Variants in NDUFAF6 observed in about 807,000 individuals in gnomAD.
NDUFAF6 encodes NADH dehydrogenase (ubiquinone) complex I, assembly factor 6.
A neutral mutation model predicts 40.8 loss-of-function variants in NDUFAF6; 45 were observed. The ratio of observed to expected loss-of-function variants is 1.10; its 90% confidence interval spans 0.87 to 1.42. The LOEUF (loss-of-function observed/expected upper bound fraction) is 1.42. Ranked by LOEUF, NDUFAF6 falls within the 40% of genes most tolerant of loss-of-function variation. The pLI is 0.00. For missense variants in NDUFAF6, 435 were observed against 418.5 expected, an observed-to-expected ratio of 1.04 and a Z score of -0.34; for synonymous variants, 185 against 155.9, an observed-to-expected ratio of 1.19 and a Z score of -1.39.
upstream of NDUFAF6, among the ~76,000 whole-genome samples, chr8:95,097,379 A>G (rs545599396): frequency 1.1e-3 from 169 of 152,360 alleles, no homozygotes; most frequent in African/African-American, 3.9e-3. Flanking sequence ...TAAATGTTCG[A>G]CAATAGATGT....
intron 9 of NDUFAF6, among the ~76,000 whole-genome samples, chr8:95,065,699 T>C: frequency 7.6e-6 from 1 of 132,174 alleles, no homozygotes; most frequent in South Asian, 2.1e-4. Context: ...TAAGCCACCA[T>C]CCCATGGAAT....
chr8:94,930,495 C>G, intron 1 of NDUFAF6: 1 of 1,614,198 alleles, frequency 6.2e-7, no homozygotes. Flanking sequence ...ATTGTACTGA[C>G]GCGGGCAGGG....
At chr8:95,014,610 T>C (rs1222092181) in intron 2 of NDUFAF6, among the ~76,000 whole-genome samples, 1 of 152,246 alleles carries the variant, frequency 6.6e-6, no homozygotes, top group Non-Finnish European at 1.5e-5. Context: ...TCCTGGTTTA[T>C]GGTTTTGTTT....
chr8:95,047,508 CTTTTTTTTT>C (rs373655223), intron 6 of NDUFAF6, among the ~76,000 whole-genome samples: 1 of 126,422 alleles, frequency 7.9e-6, no homozygotes, highest in Admixed American at 8.2e-5. Context: ...CTTTTCTTTT[CTTTTTTTTT>C]TTTTTTTTTT....
At chr8:95,077,271 A>T (rs944868578), downstream of NDUFAF6, among the ~76,000 whole-genome samples, 1 of 152,182 alleles carries the variant, frequency 6.6e-6, no homozygotes, top group Admixed American at 6.5e-5. Context: ...CTGGAGAGGG[A>T]GACAAATAAG....
intron 2 of NDUFAF6, among the ~76,000 whole-genome samples, chr8:95,011,409 G>T (rs1264404977): frequency 6.6e-6 from 1 of 152,162 alleles, no homozygotes; most frequent in Non-Finnish European, 1.5e-5. Context: ...ATTTTCCCTG[G>T]ATATGAACAT....
chr8:95,048,691 A>G, intron 7 of NDUFAF6, 133 bp downstream of exon 7: 1 of 738,566 alleles, frequency 1.4e-6, no homozygotes, highest in Non-Finnish European at 2.4e-6. Flanking sequence ...CAGTAGATTT[A>G]TCTCGGAGTC....
chr8:95,079,931 T>TGGGGTTTCATCATG (rs1808766453), downstream of NDUFAF6, among the ~76,000 whole-genome samples: 1 of 144,374 alleles, frequency 6.9e-6, no homozygotes, highest in Non-Finnish European at 1.5e-5. Context: ...TTTGTAGTGA[T>TGGGGTTTCATCATG]TTTTGGTAGT....
At chr8:95,010,467 C>T (rs868288288) in intron 2 of NDUFAF6, among the ~76,000 whole-genome samples, 2 of 152,188 alleles carry the variant, frequency 1.3e-5, no homozygotes, top group South Asian at 4.2e-4. Context: ...ATGTCAAGAT[C>T]CTTTCTAATT....
At chr8:94,994,227 T>G (rs926998017) in intron 2 of NDUFAF6, among the ~76,000 whole-genome samples, 2 of 152,166 alleles carry the variant, frequency 1.3e-5, no homozygotes, top group Non-Finnish European at 2.9e-5. Flanking sequence ...CTCTGGGAGC[T>G]GCCAGTCATT....
At position 95,065,844 on chromosome 8, in the gene NDUFAF6, C is replaced by T. The variant is rs1832689845; in HGVS notation, c.*512-9789C>T. On this transcript the variant is annotated intron_variant and NMD_transcript_variant, in intron 9 of 9. Coordinates refer to the NDUFAF6 transcript ENST00000520757. ...CCTTTATTATGGGTGAATTTGAGCA[C>T]CTTTTATATATTTAAAATCCATTTG... Among the ~76,000 whole-genome samples, 6 of 151,784 alleles carry T rather than the reference C, an allele frequency of 4.0e-5. No individual in the cohort carries two copies. In the South Asian group the frequency reaches 1.3e-3, roughly 32 times the overall value.
At position 94,999,228 on chromosome 8, in the gene NDUFAF6, A is replaced by G. The variant is rs533938344; in HGVS notation, c.-84+18255A>G. Among the ~76,000 whole-genome samples the G allele has an allele frequency of 2.0e-5, 3 of 151,038 alleles. No homozygotes were observed. The East Asian group carries it at 5.8e-4, about 29-fold the overall frequency. ...AACCTCCGCCTCCCTGGTTAAAGCG[A>G]TTCTCCTGCCTGAGCTTCCCAAGTA... On this transcript the variant is annotated intron_variant, in intron 2 of 9. Coordinates refer to the NDUFAF6 transcript ENST00000396111.
chr8:95,015,088 G>T (rs1053758337), intron 2 of NDUFAF6, among the ~76,000 whole-genome samples: 2 of 152,194 alleles, frequency 1.3e-5, no homozygotes, highest in African/African-American at 4.8e-5. Flanking sequence ...GGACCCACAG[G>T]TTGGACTGTC....
intron 2 of NDUFAF6, among the ~76,000 whole-genome samples, chr8:94,952,372 T>C (rs1563743028): frequency 6.6e-6 from 1 of 152,246 alleles, no homozygotes; most frequent in Admixed American, 6.5e-5. Context: ...AGTTGTTCTG[T>C]CTGTACTGAG....
chr8:95,012,410 A>C (rs1827261356), intron 2 of NDUFAF6, among the ~76,000 whole-genome samples: 1 of 152,236 alleles, frequency 6.6e-6, no homozygotes, highest in African/African-American at 2.4e-5. Flanking sequence ...TGAAAGCATC[A>C]GAGGAAAGAC....
intron 1 of NDUFAF6, among the ~76,000 whole-genome samples, chr8:94,905,045 T>C (rs1330638706): frequency 6.6e-6 from 1 of 151,730 alleles, no homozygotes; most frequent in Non-Finnish European, 1.5e-5. Context: ...ACTAAAAACA[T>C]AACAATTATC....
intron 8 of NDUFAF6, among the ~76,000 whole-genome samples, chr8:95,053,925 CTTTT>C (rs71273448): frequency 2.7e-5 from 1 of 37,016 alleles, no homozygotes; most frequent in Non-Finnish European, 5.0e-5. Context: ...CCGTGCCCGG[CTTTT>C]TTTTTTTTTT....
intron 2 of NDUFAF6, among the ~76,000 whole-genome samples, chr8:94,991,796 GC>G (rs35398480): frequency 0.5 from 56,156 of 113,196 alleles, 12,711 homozygotes; most frequent in East Asian, 0.67. Context: ...CTCATTCTTC[GC>G]CCCCCCCCCC....
intron 2 of NDUFAF6, among the ~76,000 whole-genome samples, chr8:95,091,458 A>G (rs1156795696): frequency 6.6e-6 from 1 of 152,052 alleles, no homozygotes; most frequent in African/African-American, 2.4e-5. Context: ...CATGGGGATT[A>G]TGGGGGTTAC....
Sources: allele counts gnomAD v4.1 joint callset (sites outside exome capture counted in the v4.1 genomes callset), GRCh38; gene constraint gnomAD v4.1.1; transcripts MANE v1.5; gene names NCBI Gene and HGNC (gene_info 2026-07-23, HGNC 2026-07-21).